Variants in SVIL observed in about 807,000 individuals in gnomAD.
SVIL encodes the protein supervillin.
In SVIL, 101 loss-of-function variants were observed where a neutral mutation model predicts 240.4. That is an observed-to-expected ratio of 0.42 (90% confidence interval 0.36 to 0.50). The LOEUF is 0.50. SVIL is among the 20% of genes least tolerant of loss of function. SVIL has a pLI of 0.01. For synonymous variants in SVIL, 999 were observed against 1,100.0 expected, an observed-to-expected ratio of 0.91 and a Z score of 1.82; for missense variants, 2,512 against 2,818.7, an observed-to-expected ratio of 0.89 and a Z score of 2.46.
At position 29,640,168 on chromosome 10, in the gene SVIL, C is replaced by T. The variant is rs529208305; in HGVS notation, c.-201+17801G>A. 7.9e-5 allele frequency among the ~76,000 whole-genome samples: 12 copies of T among 152,214 alleles called. No homozygotes were observed. In the East Asian group the frequency reaches 1.5e-3, roughly 20 times the overall value. ...CCTCTCCCCCAGCCCCATGTGCTTCCCAGCAAGTTTTGTCATTGGATTCTG... is the reference window on the plus strand; with the variant it reads ...CCTCTCCCCCAGCCCCATGTGCTTCTCAGCAAGTTTTGTCATTGGATTCTG... On this transcript the variant is annotated intron_variant, in intron 3 of 35. Coordinates refer to the SVIL transcript ENST00000375400.
intron 2 of SVIL, among the ~76,000 whole-genome samples, chr10:29,669,723 T>C (rs916716234): frequency 2.0e-5 from 3 of 152,062 alleles, no homozygotes; most frequent in East Asian, 3.9e-4. Flanking sequence ...TTGATGGAGA[T>C]GGAGATCGAG....
chr10:29,477,728 G>T (rs1946357831), intron 29 of SVIL, among the ~76,000 whole-genome samples: 1 of 152,216 alleles, frequency 6.6e-6, no homozygotes, highest in African/African-American at 2.4e-5. Flanking sequence ...AATGCTCCCT[G>T]CTTTAACTTA....
chr10:29,641,297 G>A (rs374874655), intron 3 of SVIL, among the ~76,000 whole-genome samples: 22 of 152,238 alleles, frequency 1.4e-4, no homozygotes, highest in East Asian at 1.2e-3. Context: ...TAGGCTGGGC[G>A]TGGTAGGTCT....
intron 36 of SVIL, 149 bp downstream of exon 36, chr10:29,462,128 C>T (rs1588771433): frequency 9.5e-7 from 1 of 1,055,184 alleles, no homozygotes; most frequent in East Asian, 2.5e-5. Context: ...TCTTCCTAAG[C>T]AAATTCTATG....
chr10:29,521,920 G>T (rs536244090), intron 16 of SVIL, among the ~76,000 whole-genome samples: 1 of 152,108 alleles, frequency 6.6e-6, no homozygotes, highest in Admixed American at 6.5e-5. Flanking sequence ...ATCTGTAAAA[G>T]AAACAAAACT....
intron 6 of SVIL, among the ~76,000 whole-genome samples, chr10:29,544,754 T>TAAAAAAA (rs373279682): frequency 1.1e-4 from 8 of 70,290 alleles, no homozygotes; most frequent in Admixed American, 1.8e-4. Context: ...AGACCTTTTC[T>TAAAAAAA]AAAAAAAAAA....
chr10:29,568,564 C>T (rs1638915858), intron 2 of SVIL, among the ~76,000 whole-genome samples: 1 of 152,160 alleles, frequency 6.6e-6, no homozygotes, highest in Non-Finnish European at 1.5e-5. Context: ...ATATAGACAA[C>T]AATCTACTAA....
intron 29 of SVIL, among the ~76,000 whole-genome samples, chr10:29,477,651 T>C (rs979399270): frequency 2.6e-5 from 4 of 152,218 alleles, no homozygotes; most frequent in Non-Finnish European, 4.4e-5. Flanking sequence ...TCCGCGTTGG[T>C]TACGGAGTGA....
intron 16 of SVIL, among the ~76,000 whole-genome samples, chr10:29,514,892 G>T (rs1213063409): frequency 6.6e-6 from 1 of 152,164 alleles, no homozygotes; most frequent in Non-Finnish European, 1.5e-5. Flanking sequence ...ATGCTAATAA[G>T]AAAACAAATT....
At chr10:29,623,969 C>T (rs975069832) in intron 1 of SVIL, among the ~76,000 whole-genome samples, 3 of 152,190 alleles carry the variant, frequency 2.0e-5, no homozygotes. Context: ...TGTGGAAATG[C>T]ACTCCATGAT....
Position 29,523,737 on chromosome 10 carries a change from T to C in SVIL, c.2877A>G (p.Arg959=). 6.2e-7 allele frequency: 1 copy of C among 1,614,232 alleles called. No homozygotes were observed. The part of the protein sequence containing the change: ...ETESKRALTG[R]DSGMEKYGSF... ...ACCCATACTTCTCCATCCCACTGTC[T>C]CGACCTGTCAAAGCTCTCTTGCTTT... Residue 959 remains arginine (R), a synonymous_variant, in exon 15 of 38, where the codon CGA becomes CGG. Transcript: ENST00000355867.
At chr10:29,469,603 G>A (rs1052259721) in intron 32 of SVIL, among the ~76,000 whole-genome samples, 1 of 152,220 alleles carries the variant, frequency 6.6e-6, no homozygotes, top group African/African-American at 2.4e-5. Flanking sequence ...GGGGGGGCCG[G>A]CCACCACAGC....
At chr10:29,510,061 C>T (rs1204158126) in intron 17 of SVIL, among the ~76,000 whole-genome samples, 4 of 152,166 alleles carry the variant, frequency 2.6e-5, no homozygotes, top group Non-Finnish European at 5.9e-5. Context: ...CGCTACCACA[C>T]CCAGTTAATT....
At chr10:29,462,212 G>T in intron 36 of SVIL, 65 bp downstream of exon 36, 2 of 1,555,150 alleles carry the variant, frequency 1.3e-6, no homozygotes, top group Non-Finnish European at 1.7e-6. Context: ...TCTCCCCAAA[G>T]TAAAGTTAAC....
intron 1 of SVIL, among the ~76,000 whole-genome samples, chr10:29,579,508 A>G (rs1955848073): frequency 6.6e-6 from 1 of 152,222 alleles, no homozygotes; most frequent in Admixed American, 6.5e-5. Context: ...CTGCAGTCCA[A>G]CTATTGACAA....
chr10:29,557,733 T>C (rs1954068872), intron 3 of SVIL, among the ~76,000 whole-genome samples: 1 of 152,120 alleles, frequency 6.6e-6, no homozygotes, highest in South Asian at 2.1e-4. Context: ...ACAGGAAAGG[T>C]AGACTTTCCT....
intron 1 of SVIL, among the ~76,000 whole-genome samples, chr10:29,689,215 C>A (rs2479447): frequency 1 from 152,297 of 152,328 alleles, 76,133 homozygotes; most frequent in Middle Eastern, 1. Context: ...TTCATCCATG[C>A]GTATACAGCT....
chr10:29,490,822 G>T (rs1564506564), intron 22 of SVIL, 25 bp downstream of exon 22: 1 of 1,611,200 alleles, frequency 6.2e-7, no homozygotes. Flanking sequence ...AAACACAGAA[G>T]CAGGGTGGGG....
At chr10:29,489,403 G>C (rs772136709) in intron 22 of SVIL, among the ~76,000 whole-genome samples, 21 of 152,164 alleles carry the variant, frequency 1.4e-4, no homozygotes, top group Non-Finnish European at 2.8e-4. Context: ...TGTAAAATCT[G>C]TGCCAACATT....
Sources: allele counts gnomAD v4.1 joint callset (sites outside exome capture counted in the v4.1 genomes callset), GRCh38; gene constraint gnomAD v4.1.1; transcripts MANE v1.5; gene names NCBI Gene and HGNC (gene_info 2026-07-23, HGNC 2026-07-21).